The following DGKH variants were observed in gnomAD, a reference collection of about 807,000 sequenced individuals.
DGKH encodes diacylglycerol kinase eta, also known as DAG kinase eta.
In DGKH, 90 loss-of-function variants were observed where a neutral mutation model predicts 159.3. The ratio of observed to expected loss-of-function variants is 0.57; its 90% CI spans 0.48 to 0.67. The LOEUF (loss-of-function observed/expected upper bound fraction) is 0.67, where lower values mean the gene tolerates loss of function less well. Among genes scored for constraint, DGKH ranks in the 30% least tolerant of loss-of-function variants. The pLI, the probability that DGKH is intolerant of heterozygous loss-of-function variation, is 0.00. For synonymous variants in DGKH, 536 were observed against 553.8 expected (o/e 0.97, Z 0.45); for missense variants, 1,181 against 1,506.1 (o/e 0.78, Z 3.57).
chr13:42,207,715 A>ATATATATATATATATATC (rs1429229353), intron 21 of DGKH, among the ~76,000 whole-genome samples: 1 of 147,728 alleles, frequency 6.8e-6, no homozygotes, highest in Non-Finnish European at 1.5e-5. Flanking sequence ...ATATATATAT[A>ATATATATATATATATATC]TCAGTAAAAA....
chr13:42,152,059 T>G (rs1955919252), intron 3 of DGKH, among the ~76,000 whole-genome samples: 1 of 152,206 alleles, frequency 6.6e-6, no homozygotes, highest in South Asian at 2.1e-4. Context: ...TTTTGTATGT[T>G]TCTTGGCCGT....
chr13:42,051,810 C>T (rs1332169248), intron 1 of DGKH, among the ~76,000 whole-genome samples: 1 of 151,974 alleles, frequency 6.6e-6, no homozygotes, highest in African/African-American at 2.4e-5. Flanking sequence ...GGATTACAGG[C>T]ATGCGCCACC....
At chr13:42,252,649 G>T (rs1958628527) in intron 30 of DGKH, among the ~76,000 whole-genome samples, 1 of 152,128 alleles carries the variant, frequency 6.6e-6, no homozygotes, top group African/African-American at 2.4e-5. Context: ...AAGCTCCCCA[G>T]ACACTAAACC....
intron 1 of DGKH, among the ~76,000 whole-genome samples, chr13:42,051,297 A>G (rs1881281305): frequency 3.3e-5 from 5 of 152,202 alleles, no homozygotes; most frequent in Non-Finnish European, 2.9e-5. Flanking sequence ...GTTCATCAAC[A>G]TTTTCATATA....
intron 1 of DGKH, chr13:42,069,723 T>G (rs537751240): frequency 5.3e-4 from 584 of 1,106,674 alleles, no homozygotes; most frequent in Non-Finnish European, 6.9e-4. Flanking sequence ...CTCTCCAAAC[T>G]AAGTTATCTA....
At chr13:42,098,988 A>C (rs1954600805) in intron 1 of DGKH, among the ~76,000 whole-genome samples, 1 of 152,224 alleles carries the variant, frequency 6.6e-6, no homozygotes, top group Non-Finnish European at 1.5e-5. Flanking sequence ...TCTATATTAG[A>C]CTTAATTGCA....
chr13:42,111,256 A>G (rs1051336952), intron 1 of DGKH, among the ~76,000 whole-genome samples: 1 of 152,226 alleles, frequency 6.6e-6, no homozygotes, highest in Non-Finnish European at 1.5e-5. Flanking sequence ...AGCAATCACT[A>G]GATGGTTTAC....
chr13:42,250,021 A>G (rs1958610158), intron 29 of DGKH, among the ~76,000 whole-genome samples: 2 of 149,752 alleles, frequency 1.3e-5, no homozygotes, highest in South Asian at 4.2e-4. Flanking sequence ...CCCAGGCTGG[A>G]GTGCAGTGGC....
At chr13:42,072,877 A>G (rs545861918) in intron 1 of DGKH, among the ~76,000 whole-genome samples, 27 of 152,164 alleles carry the variant, frequency 1.8e-4, no homozygotes, top group African/African-American at 5.1e-4. Context: ...GCATGCCCCA[A>G]CTTCCTTTCC....
rs751755772 is a variant in DGKH at position 42,198,568 on chromosome 13, C to T, written c.2258C>T (p.Pro753Leu). 1.2e-5 allele frequency: 20 copies of T among 1,612,604 alleles called. No homozygotes were observed. The highest frequency in any genetic ancestry group is 1.4e-5 in the Non-Finnish European group (17 of 1,179,580). The change falls in exon 18 of 30, where the codon CCG (proline) becomes CTG (leucine). Residue 753 changes from proline to leucine, a missense_variant. Transcript: ENST00000337343. Reference sequence around the variant, plus strand: ...AACATTGATCCTTTTGGTGCCACGCCGTTTATTGACCCGGATCTAGATTCC... The same window carrying T: ...AACATTGATCCTTTTGGTGCCACGCTGTTTATTGACCCGGATCTAGATTCC... ...LANIDPFGAT[P>L]FIDPDLDSVD...
chr13:42,045,666 G>A (rs1339547367), upstream of DGKH, among the ~76,000 whole-genome samples: 1 of 152,166 alleles, frequency 6.6e-6, no homozygotes, highest in Non-Finnish European at 1.5e-5. Context: ...GCTTCTCAAT[G>A]CCTGTACTTG....
chr13:42,098,205 G>A lies in DGKH; in HGVS notation c.193-29258G>A, dbSNP rs144118371. The stretch of plus-strand genomic sequence containing the variant: ...ATTAATATTATAAATTGAAAATTAG[G>A]CCAGGGCACGGTGCCTCATGCCTGT... On this transcript the variant is annotated intron_variant, in intron 1 of 29. Transcript: ENST00000337343. Among the ~76,000 whole-genome samples the A allele has an allele frequency of 1.6e-3, 239 of 152,260 alleles. 1 individual carries two copies. Among genetic ancestry groups the A allele is most frequent in the African/African-American group, 5.4e-3 (226 of 41,546 alleles).
chr13:42,148,630 G>A (rs1259021139), intron 3 of DGKH, among the ~76,000 whole-genome samples: 2 of 152,122 alleles, frequency 1.3e-5, no homozygotes, highest in African/African-American at 2.4e-5. Flanking sequence ...TCTGGTTTGT[G>A]TCTCTTCCTG....
At chr13:42,248,082 T>G (rs1958594647) in intron 29 of DGKH, among the ~76,000 whole-genome samples, 1 of 152,192 alleles carries the variant, frequency 6.6e-6, no homozygotes, top group Admixed American at 6.5e-5. Context: ...CGCCATTCAC[T>G]CACTGACTCA....
intron 13 of DGKH, among the ~76,000 whole-genome samples, chr13:42,180,681 A>G (rs748372047): frequency 1.3e-5 from 2 of 152,084 alleles, no homozygotes; most frequent in Non-Finnish European, 1.5e-5. Context: ...TTCCATTCTG[A>G]TGCAGCATCC....
chr13:42,154,895 A>C (rs1161448374), intron 3 of DGKH, among the ~76,000 whole-genome samples: 1 of 152,070 alleles, frequency 6.6e-6, no homozygotes, highest in African/African-American at 2.4e-5. Context: ...AAAAATTAAG[A>C]AATCATTTAA....
intron 1 of DGKH, among the ~76,000 whole-genome samples, chr13:42,081,623 T>C (rs1954202042): frequency 6.6e-6 from 1 of 152,230 alleles, no homozygotes; most frequent in African/African-American, 2.4e-5. Flanking sequence ...ATTAGAATTA[T>C]TATTTCTTTG....
chr13:42,181,043 G>C (rs1390019211), intron 13 of DGKH, among the ~76,000 whole-genome samples: 1 of 151,924 alleles, frequency 6.6e-6, no homozygotes, highest in Non-Finnish European at 1.5e-5. Context: ...TTGGAAGGCC[G>C]AGGCGGGCGG....
intron 29 of DGKH, among the ~76,000 whole-genome samples, chr13:42,249,298 C>T (rs575080829): frequency 1.3e-5 from 2 of 152,230 alleles, no homozygotes; most frequent in African/African-American, 4.8e-5. Flanking sequence ...CGATTGAGCC[C>T]GGGAGGACCA....
Sources: allele counts gnomAD v4.1 joint callset (sites outside exome capture counted in the v4.1 genomes callset), GRCh38; gene constraint gnomAD v4.1.1; transcripts MANE v1.5; gene names NCBI Gene and HGNC (gene_info 2026-07-23, HGNC 2026-07-21).